The following TDRD3 variants were observed in gnomAD, a reference collection of about 807,000 sequenced individuals.
TDRD3 encodes the protein tudor domain-containing protein 3.
In TDRD3, 45 loss-of-function variants were observed where a neutral mutation model predicts 86.7. That is an observed-to-expected ratio of 0.52 (90% CI 0.41 to 0.67). The LOEUF is 0.67. Among genes scored for constraint, TDRD3 ranks in the 30% least tolerant of loss-of-function variants. The pLI, the probability that TDRD3 is intolerant of heterozygous loss-of-function variation, is 0.00. For missense variants in TDRD3, 814 were observed against 889.0 expected (o/e 0.92, Z 1.07); for synonymous variants, 298 against 301.7 (o/e 0.99, Z 0.13).
At chr13:60,472,624 A>G (rs1956096538) in intron 5 of TDRD3, among the ~76,000 whole-genome samples, 1 of 152,246 alleles carries the variant, frequency 6.6e-6, no homozygotes, top group Non-Finnish European at 1.5e-5. Flanking sequence ...TCAAAAAATT[A>G]AAAATAGAAT....
At chr13:60,527,718 G>A (rs532496320) in intron 10 of TDRD3, among the ~76,000 whole-genome samples, 6 of 152,086 alleles carry the variant, frequency 3.9e-5, no homozygotes, top group South Asian at 4.2e-4. Flanking sequence ...ACACTTTTTC[G>A]GTATTTCCAC....
At chr13:60,496,324 T>C (rs1226472708) in intron 8 of TDRD3, among the ~76,000 whole-genome samples, 1 of 87,346 alleles carries the variant, frequency 1.1e-5, no homozygotes, top group East Asian at 3.0e-4. Context: ...TATATATATA[T>C]ATATATATAT....
intron 5 of TDRD3, among the ~76,000 whole-genome samples, chr13:60,483,373 A>C (rs1198810639): frequency 1.3e-5 from 2 of 152,130 alleles, no homozygotes; most frequent in Non-Finnish European, 2.9e-5. Flanking sequence ...TTAACTAATA[A>C]ATTTGGTGTC....
intron 3 of TDRD3, among the ~76,000 whole-genome samples, chr13:60,453,092 TAC>T (rs568902199): frequency 3.1e-3 from 475 of 152,264 alleles, no homozygotes; most frequent in African/African-American, 8.4e-3. Flanking sequence ...TTTTAAGATA[TAC>T]CAAAGAAACT....
Position 60,499,856 on chromosome 13 carries a change from C to T in TDRD3, c.858+5281C>T, listed in dbSNP as rs182926626. Among the ~76,000 whole-genome samples, 4 of 152,310 alleles carry T rather than the reference C, an allele frequency of 2.6e-5. No homozygotes were observed. In the East Asian group the frequency reaches 7.7e-4, roughly 29 times the overall value. On this transcript the variant is annotated intron_variant, in intron 8 of 13. Transcript: ENST00000377881. ...ACACATTACTCATTTGGATGTGTTA[C>T]TCTGGCGGATTTATCAAGTGACCCA...
intron 1 of TDRD3, among the ~76,000 whole-genome samples, chr13:60,413,120 G>T (rs971631630): frequency 6.6e-6 from 1 of 151,472 alleles, no homozygotes; most frequent in African/African-American, 2.4e-5. Context: ...TGAAAATGCT[G>T]CCAAGGAATG....
intron 5 of TDRD3, among the ~76,000 whole-genome samples, chr13:60,479,547 TTG>T (rs1370819791): frequency 6.6e-6 from 1 of 152,236 alleles, no homozygotes; most frequent in African/African-American, 2.4e-5. Flanking sequence ...TCCAGAATTT[TTG>T]TGTTATGTTT....
At chr13:60,407,298 T>A (rs1423493528) in intron 1 of TDRD3, among the ~76,000 whole-genome samples, 2 of 152,244 alleles carry the variant, frequency 1.3e-5, no homozygotes, top group African/African-American at 2.4e-5. Flanking sequence ...ACTTGTGGAA[T>A]GAATGTTACT....
At chr13:60,553,267 G>A (rs1236952505) in intron 12 of TDRD3, among the ~76,000 whole-genome samples, 1 of 152,142 alleles carries the variant, frequency 6.6e-6, no homozygotes, top group Non-Finnish European at 1.5e-5. Context: ...TTGCTGCTTA[G>A]AAATTTCTTC....
intron 10 of TDRD3, among the ~76,000 whole-genome samples, chr13:60,524,791 T>A (rs934587625): frequency 1.2e-4 from 19 of 152,078 alleles, no homozygotes; most frequent in African/African-American, 4.6e-4. Flanking sequence ...ATATGAAAAC[T>A]AACTTCTTTA....
intron 1 of TDRD3, among the ~76,000 whole-genome samples, chr13:60,424,807 T>G (rs1407244063): frequency 3.2e-4 from 49 of 152,248 alleles, no homozygotes; most frequent in Admixed American, 3.2e-3. Flanking sequence ...CCTTTCCTCC[T>G]AGACCCTGGC....
In TDRD3 at chr13:60,460,414, T is replaced by C. The variant is rs752048798; in HGVS notation, c.227T>C (p.Ile76Thr). 1.2e-6 allele frequency: 2 copies of C among 1,601,882 alleles called. No homozygotes were observed. Among genetic ancestry groups the C allele is most frequent in the South Asian group, 2.3e-5 (2 of 87,848 alleles). ...CCATGTGTTTTGCAAATTCAAAAAA[T>C]TCGCAATGTTGCTGCACCAAAGGAT... Reference protein sequence around the residue: ...EGPCVLQIQKIRNVAAPKDNE... With the variant: ...EGPCVLQIQKTRNVAAPKDNE... The change falls in exon 4 of 14, where the codon ATT (isoleucine) becomes ACT (threonine). Residue 76 changes from isoleucine to threonine, a missense_variant. Transcript: ENST00000377881.
At chr13:60,571,373 T>A (rs1463404694) in intron 13 of TDRD3, among the ~76,000 whole-genome samples, 1 of 152,192 alleles carries the variant, frequency 6.6e-6, no homozygotes, top group East Asian at 1.9e-4. Context: ...CATTCCTGGT[T>A]TGTATTAACT....
intron 1 of TDRD3, among the ~76,000 whole-genome samples, chr13:60,411,914 C>T (rs531646660): frequency 1.3e-5 from 2 of 152,278 alleles, no homozygotes; most frequent in South Asian, 4.1e-4. Context: ...TCTTCATGGT[C>T]ATAGCAGAGT....
rs1412745798 is a variant in TDRD3 at position 60,524,248 on chromosome 13, G to C, written c.1142-4119G>C. 2.0e-5 allele frequency among the ~76,000 whole-genome samples: 3 copies of C among 152,076 alleles called. No homozygotes were observed. In the East Asian group the frequency reaches 5.8e-4, roughly 29 times the overall value. ...TTTCTGGCTGAGCACGGGGCTCATG[G>C]TAATCCCAGCACTTAGGGAGACCGA... On this transcript the variant is annotated intron_variant, in intron 10 of 13. Transcript: ENST00000377881.
At chr13:60,467,178 GC>G in intron 4 of TDRD3, 59 bp from the exon 5 acceptor site, 2 of 1,589,394 alleles carry the variant, frequency 1.3e-6, no homozygotes, top group Non-Finnish European at 1.7e-6. Context: ...GTTGTTTCCC[GC>G]CCTGTGTCCA....
intron 12 of TDRD3, among the ~76,000 whole-genome samples, chr13:60,551,265 T>C (rs1226894371): frequency 6.6e-6 from 1 of 152,232 alleles, no homozygotes; most frequent in Non-Finnish European, 1.5e-5. Flanking sequence ...TTTTGTTTTC[T>C]TCTATGGAAA....
At chr13:60,431,703 CAAA>C (rs67787868) in intron 1 of TDRD3, among the ~76,000 whole-genome samples, 2 of 62,996 alleles carry the variant, frequency 3.2e-5, no homozygotes, top group East Asian at 5.7e-4. Context: ...CTATCTTTAC[CAAA>C]AAAAAAAAAA....
chr13:60,561,433 G>A (rs1481234741), intron 12 of TDRD3, among the ~76,000 whole-genome samples: 1 of 152,092 alleles, frequency 6.6e-6, no homozygotes, highest in African/African-American at 2.4e-5. Flanking sequence ...AATTTCTGTG[G>A]CTTGAGGGCT....
Sources: gnomAD v4.1 joint callset for allele counts (sites outside exome capture counted in the v4.1 genomes callset) on GRCh38, gnomAD v4.1.1 for gene constraint, MANE v1.5 for transcripts, NCBI Gene and HGNC (gene_info 2026-07-23, HGNC 2026-07-21) for gene names.